The following ZBTB40 variants were observed in gnomAD, a reference collection of about 807,000 sequenced individuals.
ZBTB40 encodes zinc finger and BTB domain containing 40.
In ZBTB40, 60 loss-of-function variants were observed where a neutral mutation model predicts 117.5. The observed-to-expected ratio is 0.51, with a 90% CI of 0.41 to 0.63. ZBTB40 has a LOEUF of 0.63. ZBTB40 is among the 30% of genes least tolerant of loss of function. The pLI is 0.00. For missense variants in ZBTB40, 1,287 were observed against 1,498.5 expected, an observed-to-expected ratio of 0.86 and a Z score of 2.33; for synonymous variants, 525 against 577.1, an observed-to-expected ratio of 0.91 and a Z score of 1.29.
chr1:22,432,882 T>G (rs759482535), intron 1 of ZBTB40, among the ~76,000 whole-genome samples: 2 of 152,242 alleles, frequency 1.3e-5, no homozygotes, highest in African/African-American at 2.4e-5. Flanking sequence ...TTGTTGAATG[T>G]ATCGTCTAAG....
chr1:22,456,282 A>T (rs1243853986), intron 1 of ZBTB40, among the ~76,000 whole-genome samples: 1 of 152,130 alleles, frequency 6.6e-6, no homozygotes, highest in African/African-American at 2.4e-5. Context: ...CCCTCGAGAG[A>T]GAAGGATAAG....
At chr1:22,452,479 G>A (rs531953201) in intron 1 of ZBTB40, among the ~76,000 whole-genome samples, 2 of 152,222 alleles carry the variant, frequency 1.3e-5, no homozygotes, top group Non-Finnish European at 2.9e-5. Context: ...ATTTGCGAAA[G>A]TTCTATGAAA....
Position 22,490,405 on chromosome 1 carries a change from G to T in ZBTB40, c.457G>T (p.Gly153Cys). The T allele has an allele frequency of 6.2e-7, 1 of 1,612,112 alleles. No homozygotes were observed. Among genetic ancestry groups the T allele is most frequent in the Non-Finnish European group, 8.5e-7 (1 of 1,178,526 alleles). Residue 153 changes from glycine (G) to cysteine (C), a missense_variant, in exon 2 of 18, where the codon GGT (glycine) becomes TGT (cysteine). By Grantham distance (159) the Gly-to-Cys change is radical (BLOSUM62 -3). Coordinates refer to ENST00000375647, the MANE Select transcript of ZBTB40 (RefSeq NM_014870.4). ...TCAAGTAGAAATCCTTTCATCTGAAGGTGCTGGAGAGCCTCATTCTTCCCC... is the reference window on the plus strand; with the variant it reads ...TCAAGTAGAAATCCTTTCATCTGAATGTGCTGGAGAGCCTCATTCTTCCCC... ...KPQVEILSSE[G>C]AGEPHSSPEL...
intron 1 of ZBTB40, among the ~76,000 whole-genome samples, chr1:22,435,462 T>G (rs1438721929): frequency 2.0e-5 from 3 of 152,066 alleles, no homozygotes; most frequent in Non-Finnish European, 2.9e-5. Flanking sequence ...TCTTTTTCCT[T>G]CCCCCACATC....
rs1385529797 is a variant in ZBTB40, at chr1:22,509,026, G to A, written c.1700-74G>A. 8 of 1,611,368 alleles carry A rather than the reference G, an allele frequency of 5.0e-6. No homozygotes were observed. The Admixed American group carries it at 1.2e-4, about 23-fold the overall frequency. On this transcript the variant is annotated intron_variant, in intron 8 of 17. Transcript: ENST00000375647. ...AAATGCATTTTCATTATGAAGAGTTGAGTGGAGGAAGGGTGTAGGAAAAAA... is the reference window on the plus strand; with the variant it reads ...AAATGCATTTTCATTATGAAGAGTTAAGTGGAGGAAGGGTGTAGGAAAAAA...
Position 22,526,406 on chromosome 1 carries a change from C to T in ZBTB40, c.*10C>T, listed in dbSNP as rs1164926240. 1 of 1,613,758 alleles carries T rather than the reference C, an allele frequency of 6.2e-7. No individual in the cohort carries two copies. Among genetic ancestry groups the T allele is most frequent in the Non-Finnish European group, 8.5e-7 (1 of 1,180,044 alleles). ...TGGTGAGGCCAAATGAGCAGCCTTT[C>T]ATCCGGCAGAGCCTTCCTGCGTTTG... On this transcript the variant is annotated 3_prime_UTR_variant, in exon 18 of 18. Transcript: ENST00000375647.
rs1423066388 is a variant in ZBTB40 at position 22,522,390 on chromosome 1, T to C, written c.3225T>C (p.His1075=). 6.2e-7 allele frequency: 1 copy of C among 1,614,066 alleles called. No individual in the cohort carries two copies. The highest frequency in any genetic ancestry group is 8.5e-7 in the Non-Finnish European group (1 of 1,180,028). The change falls in exon 16 of 18, where the codon CAT becomes CAC. Residue 1075 remains histidine (H), a synonymous_variant. Transcript: ENST00000375647. ...TGCACTTCACAGATATGAAGTTCCA[T>C]GAATGTGACCAGTGTAAGGAGCTCT... The part of the protein sequence containing the change: ...IKAEHADMKF[H]ECDQCKELFP...
intron 11 of ZBTB40, 72 bp downstream of exon 11, chr1:22,512,206 CT>C: frequency 6.5e-7 from 1 of 1,547,248 alleles, no homozygotes; most frequent in Non-Finnish European, 8.9e-7. Flanking sequence ...AGGCCTTTCC[CT>C]TAGTTGTGTG....
chr1:22,501,809 T>A, intron 4 of ZBTB40, 125 bp downstream of exon 4: 1 of 1,103,330 alleles, frequency 9.1e-7, no homozygotes, highest in East Asian at 2.6e-5. Flanking sequence ...AAGTTTCACA[T>A]GTAAATTCCA....
In ZBTB40 at chr1:22,508,938, A is replaced by T. The variant is rs145977182; in HGVS notation, c.1700-162A>T. On this transcript the variant is annotated intron_variant, in intron 8 of 17. Transcript: ENST00000375647. ...TTATCTTAAGCTTACATTCATTATT[A>T]TACTCTGATTACAGTGCTATTTGCC... 1.6e-3 allele frequency among the ~76,000 whole-genome samples: 241 copies of T among 152,330 alleles called. 1 individual carries two copies. Among genetic ancestry groups the T allele is most frequent in the African/African-American group, 5.4e-3 (225 of 41,566 alleles).
intron 9 of ZBTB40, 129 bp from the exon 10 acceptor site, chr1:22,511,050 G>A: frequency 3.3e-6 from 4 of 1,206,008 alleles, no homozygotes; most frequent in Non-Finnish European, 4.8e-6. Flanking sequence ...ACAAGGCGAT[G>A]TATAAACTGC....
In ZBTB40 at chr1:22,522,945, C is replaced by CTTTTTTTTTTTTT. The variant is rs34232963; in HGVS notation, c.3298+490_3298+502dup. ...CCATGCTCGACTAAATAAGATGTAC[C>CTTTTTTTTTTTTT]TTTTTTTTTTTTTTTTTTTTGAGAT... On this transcript the variant is annotated intron_variant, in intron 16 of 17. Coordinates refer to ENST00000375647, the MANE Select transcript of ZBTB40 (RefSeq NM_014870.4). 4.7e-4 allele frequency among the ~76,000 whole-genome samples: 44 copies of CTTTTTTTTTTTTT among 93,906 alleles called. 5 individuals are homozygous for CTTTTTTTTTTTTT. The highest frequency in any genetic ancestry group is 1.0e-3 in the South Asian group (2 of 1,996). The allele number at this position is 93,906 out of a possible 152,430, so 61.6% of individuals were successfully genotyped here.
intron 1 of ZBTB40, among the ~76,000 whole-genome samples, chr1:22,437,812 T>A (rs1640688987): frequency 6.6e-6 from 1 of 151,666 alleles, no homozygotes; most frequent in Admixed American, 6.6e-5. Context: ...TCCATCTCCA[T>A]AACTCTTTTC....
upstream of ZBTB40, among the ~76,000 whole-genome samples, chr1:22,447,038 G>A (rs1402212845): frequency 6.6e-6 from 1 of 151,908 alleles, no homozygotes; most frequent in African/African-American, 2.4e-5. Context: ...AGGAGGTCGA[G>A]GCTGCAGTGA....
chr1:22,508,651 A>G lies in ZBTB40; in HGVS notation c.1619A>G (p.Gln540Arg). The change falls in exon 8 of 18, where the codon CAG becomes CGG. Residue 540 changes from glutamine (Q) to arginine (R), a missense_variant. By Grantham distance (43) the Gln-to-Arg change is conservative (BLOSUM62 1). This residue lies in a region of ZBTB40 where 870 missense variants were observed against 934.4 expected (regional missense o/e 0.93). Coordinates refer to ENST00000375647, the MANE Select transcript of ZBTB40 (RefSeq NM_014870.4). ...ATTTGGCAACTGCTGCTGGTGGTTC[A>G]GGAGACAAAGACCTGTCCATTGGAC... The part of the protein sequence containing the change: ...TAIWQLLLVV[Q>R]ETKTCPLDLL... 1 of 1,614,200 alleles carries G rather than the reference A, an allele frequency of 6.2e-7. No individual in the cohort carries two copies. The highest frequency in any genetic ancestry group is 8.5e-7 in the Non-Finnish European group (1 of 1,180,042).
intron 1 of ZBTB40, among the ~76,000 whole-genome samples, chr1:22,435,421 C>T (rs560898603): frequency 2.6e-5 from 4 of 152,222 alleles, no homozygotes; most frequent in Admixed American, 1.3e-4. Flanking sequence ...GTTTAATATT[C>T]CATCTCCACC....
chr1:22,449,372 T>C (rs1417726181), upstream of ZBTB40, among the ~76,000 whole-genome samples: 1 of 152,208 alleles, frequency 6.6e-6, no homozygotes, highest in Non-Finnish European at 1.5e-5. Context: ...CGAAGCTCTG[T>C]GGGGAGATGA....
chr1:22,468,044 G>A (rs566701024), intron 1 of ZBTB40, among the ~76,000 whole-genome samples: 8 of 149,144 alleles, frequency 5.4e-5, no homozygotes, highest in East Asian at 3.9e-4. Flanking sequence ...AGCCAAGGTC[G>A]CACCACTGTA....
intron 7 of ZBTB40, 52 bp downstream of exon 7, chr1:22,508,189 A>C (rs1199085000): frequency 6.3e-7 from 1 of 1,575,196 alleles, no homozygotes; most frequent in East Asian, 2.3e-5. Context: ...AGAAAGAAGG[A>C]AAAAATATGA....
Sources: allele counts gnomAD v4.1 joint callset (sites outside exome capture counted in the v4.1 genomes callset), GRCh38; gene constraint gnomAD v4.1.1; regional missense constraint gnomAD v4.1.1; transcripts MANE v1.5; gene names NCBI Gene and HGNC (gene_info 2026-07-23, HGNC 2026-07-21).